Variants in NFS1 observed in about 807,000 individuals in gnomAD.
NFS1 encodes cysteine desulfurase.
In NFS1, 26 loss-of-function variants were observed where a neutral mutation model predicts 57.3. That is an observed-to-expected ratio of 0.45 (90% CI 0.33 to 0.63). NFS1 has a LOEUF of 0.63. NFS1 is among the 20% of genes least tolerant of loss of function. The probability of loss-of-function intolerance (pLI) is 0.02; values close to 1 mark genes in which losing one functional copy is unlikely to be tolerated. For synonymous variants in NFS1, 209 were observed against 216.3 expected (o/e 0.97, Z 0.30); for missense variants, 505 against 605.8 (o/e 0.83, Z 1.75).
chr20:35,695,753 G>A (rs535579262), intron 4 of NFS1, among the ~76,000 whole-genome samples: 1 of 152,108 alleles, frequency 6.6e-6, no homozygotes, highest in Non-Finnish European at 1.5e-5. Context: ...TAAAAAGAAT[G>A]GAGAAAGGCC....
chr20:35,698,839 T>C (rs1324641500), intron 1 of NFS1: 18 of 1,362,594 alleles, frequency 1.3e-5, no homozygotes, highest in Non-Finnish European at 1.9e-6. Context: ...GAAGGAAGGC[T>C]CTAAAGGGCA....
chr20:35,693,328 G>C (rs1223721414), intron 4 of NFS1, among the ~76,000 whole-genome samples: 1 of 151,906 alleles, frequency 6.6e-6, no homozygotes, highest in Non-Finnish European at 1.5e-5. Context: ...GAACTCCTGA[G>C]CTCAGACAAC....
Position 35,678,311 on chromosome 20 carries a change from C to A in NFS1, c.790+2426G>T, listed in dbSNP as rs1045896318. Among the ~76,000 whole-genome samples the A allele has an allele frequency of 1.1e-4, 17 of 151,832 alleles. 1 individual carries two copies. Among genetic ancestry groups the A allele is most frequent in the Non-Finnish European group, 2.2e-4 (15 of 68,002 alleles). On this transcript the variant is annotated intron_variant, in intron 7 of 12. Coordinates refer to ENST00000374092, the MANE Select transcript of NFS1 (RefSeq NM_021100.5). Reference sequence around the variant, plus strand: ...CGGAGCTTGCAGTGAGCCAAGATCACGCCACTGTACTCCAGGCTGGGTGAC... The same window carrying A: ...CGGAGCTTGCAGTGAGCCAAGATCAAGCCACTGTACTCCAGGCTGGGTGAC...
chr20:35,684,182 C>A (rs566625080), intron 5 of NFS1, among the ~76,000 whole-genome samples: 2 of 150,296 alleles, frequency 1.3e-5, no homozygotes, highest in Non-Finnish European at 3.0e-5. Flanking sequence ...CCGAGGCGGG[C>A]GGATCACAAG....
At chr20:35,689,268 A>G (rs1370322764) in intron 5 of NFS1, among the ~76,000 whole-genome samples, 2 of 152,150 alleles carry the variant, frequency 1.3e-5, no homozygotes, top group African/African-American at 4.8e-5. Context: ...TGGGTGGATC[A>G]CCTGAGGTCA....
In NFS1 at chr20:35,690,509, T is replaced by C; in HGVS notation, c.465A>G (p.Glu155=). ...RKKHLITTQT[E]HKCVLDSCRS... Reference sequence around the variant, plus strand: ...GGCAGGAGTCCAAGACACATTTGTGTTCTGTCTGGGTGGTGATCAAGTGCT... The same window carrying C: ...GGCAGGAGTCCAAGACACATTTGTGCTCTGTCTGGGTGGTGATCAAGTGCT... The change falls in exon 5 of 13, where the codon GAA becomes GAG. Residue 155 remains glutamate, a synonymous_variant. Coordinates refer to ENST00000374092, the MANE Select transcript of NFS1 (RefSeq NM_021100.5). 1 of 1,614,094 alleles carries C rather than the reference T, an allele frequency of 6.2e-7. No homozygotes were observed. The highest frequency in any genetic ancestry group is 8.5e-7 in the Non-Finnish European group (1 of 1,180,018).
intron 6 of NFS1, 146 bp downstream of exon 6, chr20:35,681,742 A>G: frequency 2.0e-6 from 1 of 509,000 alleles, no homozygotes. Context: ...AATACTGCCT[A>G]TGACACTTCC....
In NFS1 at chr20:35,669,391, A is replaced by G. The variant is rs1202778138; in HGVS notation, c.*231T>C. 2 of 463,088 alleles carry G rather than the reference A, an allele frequency of 4.3e-6. No individual in the cohort carries two copies. The highest frequency in any genetic ancestry group is 7.8e-6 in the Non-Finnish European group (2 of 255,176). 28.7% of individuals were successfully genotyped at this position (463,088 alleles called of 1,614,324 possible). ...ATGTCTCTATGGCTTCGGGATGAAA[A>G]TGTCCACACACTTTAAGACCCGAGA... On this transcript the variant is annotated 3_prime_UTR_variant, in exon 13 of 13. Transcript: ENST00000374092.
chr20:35,690,389 C>G, intron 5 of NFS1, 24 bp downstream of exon 5: 1 of 1,602,202 alleles, frequency 6.2e-7, no homozygotes, highest in South Asian at 1.1e-5. Context: ...CATTTTTGCT[C>G]CTCCTGCCAA....
At chr20:35,680,155 A>T (rs545276188) in intron 7 of NFS1, among the ~76,000 whole-genome samples, 26 of 152,314 alleles carry the variant, frequency 1.7e-4, no homozygotes, top group African/African-American at 6.3e-4. Flanking sequence ...ATACAAAAAA[A>T]TTAGCCGGGC....
chr20:35,673,629 C>T lies in NFS1; in HGVS notation c.1192G>A (p.Asp398Asn). 2 of 1,613,980 alleles carry T rather than the reference C, an allele frequency of 1.2e-6. No individual in the cohort carries two copies. Among genetic ancestry groups the T allele is most frequent in the Non-Finnish European group, 1.7e-6 (2 of 1,179,928 alleles). The change falls in exon 11 of 13, where the codon GAT becomes AAT. Residue 398 changes from aspartate to asparagine, a missense_variant. Transcript: ENST00000374092. Reference sequence around the variant, plus strand: ...ATAGAAGAGTGCGCTAAATCCTCATCAGTGCCAATTGCTCTAAGCACATAA... The same window carrying T: ...ATAGAAGAGTGCGCTAAATCCTCATTAGTGCCAATTGCTCTAAGCACATAA... Reference protein sequence around the residue: ...PSYVLRAIGTDEDLAHSSIRF... With the variant: ...PSYVLRAIGTNEDLAHSSIRF...
chr20:35,684,575 C>T (rs1391063465), intron 5 of NFS1, among the ~76,000 whole-genome samples: 2 of 151,418 alleles, frequency 1.3e-5, no homozygotes, highest in Non-Finnish European at 2.9e-5. Context: ...CATGGTGAAA[C>T]CCTGTCTCTA....
At chr20:35,698,252 A>G (rs1271896807) in intron 2 of NFS1, among the ~76,000 whole-genome samples, 2 of 152,248 alleles carry the variant, frequency 1.3e-5, no homozygotes, top group Admixed American at 1.3e-4. Flanking sequence ...CCATGCTTTT[A>G]ACTAATACTA....
chr20:35,669,552 G>A lies in NFS1; in HGVS notation c.*70C>T, dbSNP rs115415121. 28 of 1,368,290 alleles carry A rather than the reference G, an allele frequency of 2.0e-5. No individual in the cohort carries two copies. Among genetic ancestry groups the A allele is most frequent in the Middle Eastern group, 3.6e-4 (2 of 5,596 alleles). The allele number at this position is 1,368,290 out of a possible 1,614,324, so 84.8% of individuals were successfully genotyped here. On this transcript the variant is annotated 3_prime_UTR_variant, in exon 13 of 13. Transcript: ENST00000374092. Reference sequence around the variant, plus strand: ...CTAGAGCATCCACTAGGTGTAACAAGGTGTCTGGTTGTGCACGGGTTGGTG... The same window carrying A: ...CTAGAGCATCCACTAGGTGTAACAAAGTGTCTGGTTGTGCACGGGTTGGTG...
rs979216696 is a variant in NFS1, at chr20:35,678,459, C to T, written c.790+2278G>A. Among the ~76,000 whole-genome samples the T allele has an allele frequency of 2.1e-5, 3 of 146,228 alleles. 1 individual carries two copies. In the East Asian group the frequency reaches 6.0e-4, roughly 29 times the overall value. On this transcript the variant is annotated intron_variant, in intron 7 of 12. Coordinates refer to ENST00000374092, the MANE Select transcript of NFS1 (RefSeq NM_021100.5). Reference sequence around the variant, plus strand: ...AGGAGAATCGCTTGAACCCGGGAGGCGGAGGTTGCAGTGAGCCGAGATCTC... The same window carrying T: ...AGGAGAATCGCTTGAACCCGGGAGGTGGAGGTTGCAGTGAGCCGAGATCTC...
chr20:35,695,728 C>A (rs897538410), intron 4 of NFS1, among the ~76,000 whole-genome samples: 7 of 152,034 alleles, frequency 4.6e-5, no homozygotes, highest in African/African-American at 1.7e-4. Context: ...ACATATATAA[C>A]TTGTTGTTAC....
At chr20:35,698,946 G>C in intron 1 of NFS1, 7 of 1,309,318 alleles carry the variant, frequency 5.3e-6, no homozygotes, top group Non-Finnish European at 3.9e-6. Flanking sequence ...TCTGTAACTT[G>C]GCCAGGAGCG....
chr20:35,690,318 A>C, intron 5 of NFS1, 95 bp downstream of exon 5: 1 of 1,188,662 alleles, frequency 8.4e-7, no homozygotes, highest in Non-Finnish European at 1.2e-6. Context: ...TGTTAGATCT[A>C]TTCCTTCAAG....
Position 35,687,284 on chromosome 20 carries a change from C to T in NFS1, c.561+3129G>A, listed in dbSNP as rs149575754. On this transcript the variant is annotated intron_variant, in intron 5 of 12. Transcript: ENST00000374092. ...CTGTGATGCTGTGCTTCAGTGGTCA[C>T]ACTCCTAGTCTGTCTTCATGTTCCA... is the stretch of plus-strand genomic sequence containing the variant. Among the ~76,000 whole-genome samples the T allele has an allele frequency of 8.1e-3, 1,237 of 152,346 alleles. 20 individuals carry two copies. The highest frequency in any genetic ancestry group is 0.028 in the African/African-American group (1,181 of 41,576).
Sources: gnomAD v4.1 joint callset for allele counts (sites outside exome capture counted in the v4.1 genomes callset) on GRCh38, gnomAD v4.1.1 for gene constraint, MANE v1.5 for transcripts, NCBI Gene and HGNC (gene_info 2026-07-23, HGNC 2026-07-21) for gene names.